Variants in SLC16A12 observed in about 807,000 individuals in gnomAD.
The protein encoded by SLC16A12 is monocarboxylate transporter 12.
In SLC16A12, 17 loss-of-function variants were observed where a neutral mutation model predicts 42.4. The observed-to-expected ratio is 0.40, with a 90% CI of 0.27 to 0.60. The LOEUF is 0.60. SLC16A12 is among the 20% of genes least tolerant of loss of function. The pLI, the probability that SLC16A12 is intolerant of heterozygous loss-of-function variation, is 0.42. For missense variants in SLC16A12, 544 were observed against 623.0 expected (o/e 0.87, Z 1.35); for synonymous variants, 224 against 229.4 (o/e 0.98, Z 0.21).
chr10:89,439,372 T>C (rs1234051673), intron 5 of SLC16A12, among the ~76,000 whole-genome samples, 189 bp from the exon 6 acceptor site: 1 of 152,216 alleles, frequency 6.6e-6, no homozygotes, highest in Non-Finnish European at 1.5e-5. Flanking sequence ...AGAATATATA[T>C]GACTTTCTTT....
At chr10:89,436,914 A>G (rs12242984) in intron 6 of SLC16A12, among the ~76,000 whole-genome samples, 1,771 of 136,324 alleles carry the variant, frequency 0.013, 41 homozygotes, top group African/African-American at 0.046. Context: ...GAAAGAAAGA[A>G]AAAGAAAGAG....
At chr10:89,514,554 T>C (rs1359782018) in intron 2 of SLC16A12, among the ~76,000 whole-genome samples, 5 of 152,160 alleles carry the variant, frequency 3.3e-5, no homozygotes, top group African/African-American at 1.2e-4. Flanking sequence ...TCTCAGAGCA[T>C]GTATGGGGAG....
chr10:89,485,465 C>G (rs1046752700), intron 2 of SLC16A12, among the ~76,000 whole-genome samples: 1 of 152,200 alleles, frequency 6.6e-6, no homozygotes, highest in African/African-American at 2.4e-5. Flanking sequence ...TCCAGGTGCC[C>G]TGAGGTCCTT....
At chr10:89,453,034 T>C (rs1030198723) in intron 3 of SLC16A12, among the ~76,000 whole-genome samples, 2 of 152,192 alleles carry the variant, frequency 1.3e-5, no homozygotes, top group Non-Finnish European at 2.9e-5. Context: ...CATTCTTGTA[T>C]GCCACACGAA....
At chr10:89,437,412 G>A (rs1004434456) in intron 6 of SLC16A12, among the ~76,000 whole-genome samples, 5 of 152,122 alleles carry the variant, frequency 3.3e-5, no homozygotes, top group Admixed American at 6.5e-5. Flanking sequence ...AAGGTCAACA[G>A]GCAAATATTG....
chr10:89,511,546 C>A lies in SLC16A12; in HGVS notation c.-47+22955G>T, dbSNP rs868084555. Reference sequence around the variant, plus strand: ...GTTGAGCAATGAGAACACATGGACACAGGGAGGTGAACATCACACACCAGG... The same window carrying A: ...GTTGAGCAATGAGAACACATGGACAAAGGGAGGTGAACATCACACACCAGG... On this transcript the variant is annotated intron_variant, in intron 2 of 7. Coordinates refer to ENST00000371790, the MANE Select transcript of SLC16A12 (RefSeq NM_213606.4). Among the ~76,000 whole-genome samples, 20 of 152,118 alleles carry A rather than the reference C, an allele frequency of 1.3e-4. No individual in the cohort carries two copies. The Middle Eastern group carries it at 0.014, about 103-fold the overall frequency.
At chr10:89,499,643 C>A (rs185765360) in intron 2 of SLC16A12, among the ~76,000 whole-genome samples, 1 of 152,188 alleles carries the variant, frequency 6.6e-6, no homozygotes, top group East Asian at 1.9e-4. Context: ...TGGGATACAG[C>A]AAAGTCAGTG....
chr10:89,478,339 C>A (rs1229574688), intron 2 of SLC16A12, among the ~76,000 whole-genome samples: 1 of 152,224 alleles, frequency 6.6e-6, no homozygotes, highest in Admixed American at 6.5e-5. Context: ...GGGAGCCCAA[C>A]TGATGCAGTC....
chr10:89,496,709 G>A (rs935622433), intron 2 of SLC16A12, among the ~76,000 whole-genome samples: 7 of 152,014 alleles, frequency 4.6e-5, no homozygotes, highest in Non-Finnish European at 8.8e-5. Flanking sequence ...TTGGAGGTAT[G>A]GAAAGAATTC....
At chr10:89,475,726 T>C (rs1214681473) in intron 2 of SLC16A12, among the ~76,000 whole-genome samples, 1 of 152,170 alleles carries the variant, frequency 6.6e-6, no homozygotes, top group Non-Finnish European at 1.5e-5. Context: ...CTAAAGAAAC[T>C]GCCAAAGCCT....
At chr10:89,542,113 G>A (rs1476727766) in intron 2 of SLC16A12, among the ~76,000 whole-genome samples, 2 of 151,968 alleles carry the variant, frequency 1.3e-5, no homozygotes, top group Non-Finnish European at 2.9e-5. Context: ...TTTGAAGAAT[G>A]TGGATGTCTA....
At chr10:89,535,265 T>G (rs2133877217) in intron 1 of SLC16A12, among the ~76,000 whole-genome samples, 177 bp downstream of exon 1, 1 of 152,070 alleles carries the variant, frequency 6.6e-6, no homozygotes, top group East Asian at 1.9e-4. Flanking sequence ...AGTGAGCACG[T>G]GTCTCCCTCC....
chr10:89,453,779 T>C (rs1179854230), intron 3 of SLC16A12, among the ~76,000 whole-genome samples: 1 of 152,152 alleles, frequency 6.6e-6, no homozygotes. Flanking sequence ...GGCTTCTCAG[T>C]GGAAGCACTA....
At chr10:89,526,919 C>G (rs963987591) in intron 2 of SLC16A12, among the ~76,000 whole-genome samples, 1 of 150,208 alleles carries the variant, frequency 6.7e-6, no homozygotes, top group African/African-American at 2.5e-5. Context: ...AGAAAGGAGC[C>G]CAAAGCTGGA....
Position 89,459,273 on chromosome 10 carries a change from G to A in SLC16A12, c.200+3106C>T, listed in dbSNP as rs190850018. On this transcript the variant is annotated intron_variant, in intron 3 of 7. Coordinates refer to ENST00000371790, the MANE Select transcript of SLC16A12 (RefSeq NM_213606.4). ...ACAGCTCGCTGGATATTAAGAAGTT[G>A]CCCATGTTAAGACAATGACTCCCAT... Among the ~76,000 whole-genome samples, 432 of 151,792 alleles carry A rather than the reference G, an allele frequency of 2.8e-3. 3 individuals are homozygous for A. The highest frequency in any genetic ancestry group is 0.01 in the African/African-American group (417 of 41,328).
At chr10:89,502,671 C>T (rs564408223) in intron 2 of SLC16A12, among the ~76,000 whole-genome samples, 34 of 152,310 alleles carry the variant, frequency 2.2e-4, no homozygotes, top group African/African-American at 7.7e-4. Context: ...AAACATCAGT[C>T]ATCTTGGCTG....
intron 2 of SLC16A12, among the ~76,000 whole-genome samples, chr10:89,487,934 A>C (rs1842784093): frequency 6.8e-6 from 1 of 146,038 alleles, no homozygotes; most frequent in African/African-American, 2.5e-5. Context: ...CCATCAACAG[A>C]TGATTGGATA....
In SLC16A12 at chr10:89,451,374, G is replaced by T. The variant is rs559387284; in HGVS notation, c.201-7515C>A. 1.4e-4 allele frequency among the ~76,000 whole-genome samples: 22 copies of T among 152,188 alleles called. No homozygotes were observed. In the East Asian group the frequency reaches 3.1e-3, roughly 21 times the overall value. On this transcript the variant is annotated intron_variant, in intron 3 of 7. Transcript: ENST00000371790. Reference sequence around the variant, plus strand: ...ACAGTCACATAGAGCCTGGCACTTAGAAGCATGAAACTTGATTTAATGCTT... The same window carrying T: ...ACAGTCACATAGAGCCTGGCACTTATAAGCATGAAACTTGATTTAATGCTT...
chr10:89,446,877 G>A (rs1376893863), intron 3 of SLC16A12, among the ~76,000 whole-genome samples: 2 of 151,978 alleles, frequency 1.3e-5, no homozygotes, highest in Non-Finnish European at 2.9e-5. Flanking sequence ...CATGTGCAGA[G>A]ACACACATAG....
Sources: gnomAD v4.1 joint callset for allele counts (sites outside exome capture counted in the v4.1 genomes callset) on GRCh38, gnomAD v4.1.1 for gene constraint, MANE v1.5 for transcripts, NCBI Gene and HGNC (gene_info 2026-07-23, HGNC 2026-07-21) for gene names.